The following VPS50 variants were observed in gnomAD, a reference collection of about 807,000 sequenced individuals.
The protein encoded by VPS50 is VPS50 subunit of EARP/GARPII complex, also known as syndetin.
VPS50 carries 70 observed loss-of-function variants against 139.7 expected under a neutral mutation model. The observed-to-expected ratio is 0.50, with a 90% confidence interval of 0.41 to 0.61. The LOEUF (loss-of-function observed/expected upper bound fraction) is 0.61. VPS50 is among the 20% of genes least tolerant of loss of function. The pLI, the probability that VPS50 is intolerant of heterozygous loss-of-function variation, is 0.00. For missense variants in VPS50, 921 were observed against 1,133.7 expected (o/e 0.81, Z 2.69); for synonymous variants, 365 against 376.7 (o/e 0.97, Z 0.36).
At chr7:93,330,669 G>A (rs1226658437) in intron 21 of VPS50, among the ~76,000 whole-genome samples, 2 of 144,806 alleles carry the variant, frequency 1.4e-5, no homozygotes, top group African/African-American at 5.2e-5. Context: ...CAGGAGGATC[G>A]CTTGAGCCCT....
At chr7:93,358,202 G>A (rs1015667736) in intron 27 of VPS50, 115 bp from the exon 28 acceptor site, 21 of 929,622 alleles carry the variant, frequency 2.3e-5, no homozygotes, top group Admixed American at 6.1e-5. Flanking sequence ...TTTTTCACTG[G>A]TTTATAATGC....
chr7:93,344,418 TCAA>T (rs1268685450), intron 23 of VPS50, among the ~76,000 whole-genome samples: 2 of 152,090 alleles, frequency 1.3e-5, no homozygotes, highest in African/African-American at 4.8e-5. Context: ...ATTAGACAGA[TCAA>T]CGAGACAGAA....
At chr7:93,350,692 A>G (rs1430396950) in intron 25 of VPS50, among the ~76,000 whole-genome samples, 1 of 152,180 alleles carries the variant, frequency 6.6e-6, no homozygotes, top group Non-Finnish European at 1.5e-5. Context: ...GCTGTGAAAA[A>G]AAAAGCAAAA....
Position 93,308,900 on chromosome 7 carries a change from G to A in VPS50, c.1706G>A (p.Arg569Gln), listed in dbSNP as rs778150017. ...AGTGATGTTCCTGAGGAACTCAAAC[G>A]AGACTATGTGGATGAGCAGACAGGA... Reference protein sequence around the residue: ...SDSDVPEELKRDYVDEQTGDG... With the variant: ...SDSDVPEELKQDYVDEQTGDG... The change falls in exon 19 of 28, where the codon CGA becomes CAA. Residue 569 changes from arginine to glutamine, a missense_variant. Physicochemically the swap from Arg to Gln is conservative, Grantham distance 43. Transcript: ENST00000305866. 1.9e-5 allele frequency: 31 copies of A among 1,605,236 alleles called. No individual in the cohort carries two copies. In the South Asian group the frequency reaches 2.6e-4, roughly 14 times the overall value.
In VPS50 at chr7:93,359,681, A is replaced by T. The variant is rs1457567181; in HGVS notation, c.*1245A>T. 1.3e-5 allele frequency: 2 copies of T among 152,152 alleles called. No homozygotes were observed. Among genetic ancestry groups the T allele is most frequent in the Non-Finnish European group, 2.9e-5 (2 of 68,036 alleles). The allele number at this position is 152,152 out of a possible 1,614,324, so 9.4% of individuals were successfully genotyped here. ...ACAGAATCCTAAGGAATCATGTGAG[A>T]AACAGGCCTTGGGTCTTATGAGTCT... On this transcript the variant is annotated 3_prime_UTR_variant, in exon 28 of 28. Coordinates refer to ENST00000305866, the MANE Select transcript of VPS50 (RefSeq NM_017667.4).
intron 8 of VPS50, among the ~76,000 whole-genome samples, chr7:93,258,845 A>T (rs888512430): frequency 6.6e-6 from 1 of 152,010 alleles, no homozygotes; most frequent in Non-Finnish European, 1.5e-5. Context: ...GCATAATGTA[A>T]TATGTGTGTC....
intron 12 of VPS50, among the ~76,000 whole-genome samples, chr7:93,287,866 G>A (rs1441308659): frequency 6.6e-6 from 1 of 152,068 alleles, no homozygotes; most frequent in African/African-American, 2.4e-5. Context: ...TATGTGTATG[G>A]TGTAAGAGGT....
At chr7:93,294,459 ATG>A in intron 13 of VPS50, 84 bp from the exon 14 acceptor site, 1 of 1,159,346 alleles carries the variant, frequency 8.6e-7, no homozygotes, top group Non-Finnish European at 1.2e-6. Flanking sequence ...TAGACTTACA[ATG>A]TGTGAGAGGC....
Position 93,358,501 on chromosome 7 carries a change from T to C in VPS50, c.*65T>C. 7.3e-7 allele frequency: 1 copy of C among 1,373,220 alleles called. No individual in the cohort carries two copies. Among genetic ancestry groups the C allele is most frequent in the Non-Finnish European group, 1.0e-6 (1 of 985,414 alleles). The allele number at this position is 1,373,220 out of a possible 1,614,324, so 85.1% of individuals were successfully genotyped here. A position where few individuals can be genotyped will look rare whatever the true frequency, so the allele number is the denominator to read the frequency against. ...TCAACATATATGACCTGAAAGCCAG[T>C]TTTTTTATGCACTTCTGACAACTAT... On this transcript the variant is annotated 3_prime_UTR_variant, in exon 28 of 28. Coordinates refer to ENST00000305866, the MANE Select transcript of VPS50 (RefSeq NM_017667.4).
chr7:93,306,761 C>T (rs1026419720), intron 18 of VPS50, among the ~76,000 whole-genome samples: 2 of 151,700 alleles, frequency 1.3e-5, no homozygotes, highest in African/African-American at 2.4e-5. Flanking sequence ...TCCATAATGA[C>T]CCAATATGAT....
At chr7:93,245,968 T>G (rs1019727728) in intron 2 of VPS50, 4 of 633,808 alleles carry the variant, frequency 6.3e-6, no homozygotes, top group Middle Eastern at 3.9e-4. Context: ...TGGAAAGAGA[T>G]AAAATCTATT....
chr7:93,305,168 G>A (rs1350434082), intron 17 of VPS50, among the ~76,000 whole-genome samples: 1 of 151,866 alleles, frequency 6.6e-6, no homozygotes, highest in African/African-American at 2.4e-5. Flanking sequence ...TTAGCTGTGT[G>A]ATGTTGAACT....
chr7:93,291,321 C>T (rs1031732230), intron 12 of VPS50, among the ~76,000 whole-genome samples: 3 of 151,988 alleles, frequency 2.0e-5, no homozygotes, highest in Non-Finnish European at 2.9e-5. Flanking sequence ...CTTCTTTTTG[C>T]AAGAAGGCCT....
intron 12 of VPS50, among the ~76,000 whole-genome samples, chr7:93,285,046 A>G (rs1182286069): frequency 6.6e-6 from 1 of 152,234 alleles, no homozygotes; most frequent in African/African-American, 2.4e-5. Flanking sequence ...TGTTTTGACC[A>G]GCAGCATATT....
At chr7:93,249,349 C>T (rs1795249240) in intron 2 of VPS50, among the ~76,000 whole-genome samples, 1 of 151,600 alleles carries the variant, frequency 6.6e-6, no homozygotes, top group Admixed American at 6.6e-5. Context: ...CATGTTTGCC[C>T]TTTACAGGTG....
Position 93,280,330 on chromosome 7 carries a change from C to CT in VPS50, c.942+4032dup, listed in dbSNP as rs553346193. On this transcript the variant is annotated intron_variant, in intron 12 of 27. Coordinates refer to ENST00000305866, the MANE Select transcript of VPS50 (RefSeq NM_017667.4). ...TGCTTTTACACTAGCTGTTTAGGTTCTTTTTTTAAAAAAAGTAGGTACATT... is the reference window on the plus strand; with the variant it reads ...TGCTTTTACACTAGCTGTTTAGGTTCTTTTTTTTAAAAAAAGTAGGTACATT... Among the ~76,000 whole-genome samples the CT allele has an allele frequency of 5.5e-4, 83 of 151,784 alleles. 5 individuals are homozygous for CT. In the East Asian group the frequency reaches 0.014, roughly 25 times the overall value.
Position 93,276,359 on chromosome 7 carries a change from A to G in VPS50, c.942+54A>G, listed in dbSNP as rs750373139. On this transcript the variant is annotated intron_variant, in intron 12 of 27. Transcript: ENST00000305866. ...TATCTCTCCTTTAGATTTTAAATTT[A>G]TATTTCCTTTATCTTGGTACATACC... The G allele has an allele frequency of 1.9e-6, 3 of 1,543,360 alleles. No homozygotes were observed. In the South Asian group the frequency reaches 3.7e-5, roughly 19 times the overall value.
intron 9 of VPS50, among the ~76,000 whole-genome samples, chr7:93,265,220 C>G (rs1296094131): frequency 6.6e-6 from 1 of 151,916 alleles, no homozygotes; most frequent in Non-Finnish European, 1.5e-5. Context: ...CCTGTTTTAA[C>G]TTTTATCAGT....
At chr7:93,317,314 C>A (rs1038650868) in intron 20 of VPS50, among the ~76,000 whole-genome samples, 3 of 152,092 alleles carry the variant, frequency 2.0e-5, no homozygotes, top group African/African-American at 7.2e-5. Flanking sequence ...CTTTGGGAGG[C>A]CAAGACAGAT....
Sources: gnomAD v4.1 joint callset for allele counts (sites outside exome capture counted in the v4.1 genomes callset) on GRCh38, gnomAD v4.1.1 for gene constraint, MANE v1.5 for transcripts, NCBI Gene and HGNC (gene_info 2026-07-23, HGNC 2026-07-21) for gene names.